The following PHF5A variants were observed in gnomAD, a reference collection of about 807,000 sequenced individuals.
PHF5A encodes the protein PHD finger protein 5A.
For synonymous variants in PHF5A, 52 were observed against 46.0 expected (o/e 1.13, Z -0.52); for missense variants, 24 against 140.6 (o/e 0.17, Z 4.19).
Position 41,468,681 on chromosome 22 carries a change from G to A in PHF5A, c.-28C>T. The A allele has an allele frequency of 1.9e-6, 3 of 1,612,876 alleles. No individual in the cohort carries two copies. The highest frequency in any genetic ancestry group is 2.2e-5 in the East Asian group (1 of 44,860). The stretch of plus-strand genomic sequence containing the variant: ...CTCCTAACTAAGCCGGCCACCGGAA[G>A]CTTCGGGAACTTCCGTCCGACCTTT... On this transcript the variant is annotated 5_prime_UTR_variant, in exon 1 of 4. Coordinates refer to ENST00000216252, the MANE Select transcript of PHF5A (RefSeq NM_032758.4).
intron 3 of PHF5A, among the ~76,000 whole-genome samples, chr22:41,465,028 T>C (rs1320761556): frequency 6.6e-6 from 1 of 152,212 alleles, no homozygotes; most frequent in East Asian, 1.9e-4. Context: ...AGACTAGATT[T>C]GGATTTTCGG....
rs2037877150 is a variant in PHF5A at position 41,467,437 on chromosome 22, T to A, written c.243+11A>T. On this transcript the variant is annotated intron_variant, in intron 3 of 3. Transcript: ENST00000216252. ...AAGGAGGAAAGGTCAGATGGAAAGCTGTACACTTACGTCCTTCTCCTGGAT... is the reference window on the plus strand; with the variant it reads ...AAGGAGGAAAGGTCAGATGGAAAGCAGTACACTTACGTCCTTCTCCTGGAT... 1 of 1,613,370 alleles carries A rather than the reference T, an allele frequency of 6.2e-7. No homozygotes were observed. Among genetic ancestry groups the A allele is most frequent in the Non-Finnish European group, 8.5e-7 (1 of 1,179,854 alleles).
intron 1 of PHF5A, 167 bp downstream of exon 1, chr22:41,468,435 T>C: frequency 1.7e-6 from 1 of 587,404 alleles, no homozygotes; most frequent in Non-Finnish European, 2.8e-6. Flanking sequence ...CCCGCCCTCT[T>C]CTCATCAGAG....
intron 3 of PHF5A, among the ~76,000 whole-genome samples, chr22:41,461,060 C>A (rs1159576474): frequency 6.6e-6 from 1 of 152,092 alleles, no homozygotes; most frequent in Admixed American, 6.6e-5. Context: ...GTAGTCCCAG[C>A]TACTCAGGAG....
chr22:41,460,467 A>G lies in PHF5A; in HGVS notation c.264T>C (p.Ile88=). 6.3e-7 allele frequency: 1 copy of G among 1,599,872 alleles called. No individual in the cohort carries two copies. The highest frequency in any genetic ancestry group is 8.5e-7 in the Non-Finnish European group (1 of 1,170,350). ...QEKDRDGCPK[I]VNLGSSKTDL... ...CTGTCTTAGAGCTCCCCAGATTGAC[A>G]ATCTTTGGGCAGCCATCTCTCTGGA... The change falls in exon 4 of 4, where the codon ATT becomes ATC. Residue 88 remains isoleucine (I), a synonymous_variant. Transcript: ENST00000216252.
intron 3 of PHF5A, among the ~76,000 whole-genome samples, chr22:41,461,688 G>A (rs2037828930): frequency 6.6e-6 from 1 of 151,682 alleles, no homozygotes; most frequent in Non-Finnish European, 1.5e-5. Flanking sequence ...TTTTGAGACG[G>A]AGTCTTGCTC....
At chr22:41,467,738 C>T (rs1021288224) in intron 2 of PHF5A, 124 bp from the exon 3 acceptor site, 86 of 1,168,032 alleles carry the variant, frequency 7.4e-5, no homozygotes, top group Admixed American at 9.9e-5. Context: ...ACTTTAGGGC[C>T]CTCCTCTTGG....
chr22:41,468,086 G>A (rs2037886493), intron 2 of PHF5A, 38 bp downstream of exon 2: 2 of 1,611,700 alleles, frequency 1.2e-6, no homozygotes, highest in Non-Finnish European at 1.7e-6. Flanking sequence ...AACTGGGAGT[G>A]GGAAGGGTGG....
intron 3 of PHF5A, among the ~76,000 whole-genome samples, chr22:41,464,391 C>T (rs943392939): frequency 1.3e-5 from 2 of 152,208 alleles, no homozygotes; most frequent in Non-Finnish European, 1.5e-5. Context: ...GAAAGAGCCT[C>T]GGCCACTTAA....
In PHF5A at chr22:41,463,724, C is replaced by CAAAAAAAAAAAAA. The variant is rs11387908; in HGVS notation, c.244-3250_244-3238dup. Reference sequence around the variant, plus strand: ...TGGGAGACACAGTAAGACTCTGTCTCAAAAAAAAAAAAAAAAAAAAAAAGC... The same window carrying CAAAAAAAAAAAAA: ...TGGGAGACACAGTAAGACTCTGTCTCAAAAAAAAAAAAAAAAAAAAAAAAAAAAAAAAAAAAGC... On this transcript the variant is annotated intron_variant, in intron 3 of 3. Coordinates refer to ENST00000216252, the MANE Select transcript of PHF5A (RefSeq NM_032758.4). Among the ~76,000 whole-genome samples, 7 of 59,054 alleles carry CAAAAAAAAAAAAA rather than the reference C, an allele frequency of 1.2e-4. 1 individual carries two copies. Among genetic ancestry groups the CAAAAAAAAAAAAA allele is most frequent in the African/African-American group, 4.4e-4 (6 of 13,484 alleles). The allele number at this position is 59,054 out of a possible 152,430, so 38.7% of individuals were successfully genotyped here.
chr22:41,466,284 T>C (rs5758368), intron 3 of PHF5A, among the ~76,000 whole-genome samples: 116,466 of 152,098 alleles, frequency 0.77, 45,181 homozygotes, highest in East Asian at 0.95. Context: ...CACTAGTCTA[T>C]AAGCTCTCTC....
chr22:41,467,561 G>A lies in PHF5A; in HGVS notation c.130C>T (p.Arg44Cys), dbSNP rs1331579175. ...DSYVRPCTLV[R>C]ICDECNYGSY... ...CCATAGTTACACTCATCACATATGC[G>A]CACCAGAGTGCAGGGACGCACATAG... Residue 44 changes from arginine (R) to cysteine (C), a missense_variant, in exon 3 of 4, where the codon CGC becomes TGC. Physicochemically the swap from Arg to Cys is radical, Grantham distance 180. Transcript: ENST00000216252. 1.9e-6 allele frequency: 3 copies of A among 1,614,144 alleles called. No homozygotes were observed. The highest frequency in any genetic ancestry group is 1.3e-5 in the African/African-American group (1 of 75,024).
At chr22:41,466,730 C>T (rs1266000823) in intron 3 of PHF5A, among the ~76,000 whole-genome samples, 5 of 152,142 alleles carry the variant, frequency 3.3e-5, no homozygotes, top group Non-Finnish European at 7.3e-5. Context: ...ATGGTTCATG[C>T]CTGTAATCCC....
At chr22:41,463,615 C>T (rs966199154) in intron 3 of PHF5A, among the ~76,000 whole-genome samples, 1 of 59,190 alleles carries the variant, frequency 1.7e-5, no homozygotes, top group Admixed American at 1.1e-4. Flanking sequence ...ATCCCAGCTA[C>T]TCAGGGGGCT....
At position 41,465,268 on chromosome 22, in the gene PHF5A, C is replaced by T. The variant is rs550960260; in HGVS notation, c.243+2180G>A. 7.5e-4 allele frequency among the ~76,000 whole-genome samples: 114 copies of T among 152,048 alleles called. 1 individual carries two copies. Among genetic ancestry groups the T allele is most frequent in the Middle Eastern group, 3.4e-3 (1 of 294 alleles). ...GCTCAGCTGACTGCAACCTCTGCCT[C>T]CTGGGTTCAAGCGATTCTCCTGCCT... On this transcript the variant is annotated intron_variant, in intron 3 of 3. Transcript: ENST00000216252.
intron 2 of PHF5A, 121 bp from the exon 3 acceptor site, chr22:41,467,735 G>A: frequency 8.4e-7 from 1 of 1,191,056 alleles, no homozygotes; most frequent in Non-Finnish European, 1.2e-6. Context: ...GTGACTTTAG[G>A]GCCCTCCTCT....
chr22:41,460,719 C>A (rs2037820801), intron 3 of PHF5A, among the ~76,000 whole-genome samples: 1 of 88,394 alleles, frequency 1.1e-5, no homozygotes, highest in Non-Finnish European at 3.2e-5. Context: ...AGACCCCCAT[C>A]TCTTGAAAAA....
chr22:41,460,156 C>A lies in PHF5A; in HGVS notation c.*242G>T, dbSNP rs1186633102. On this transcript the variant is annotated 3_prime_UTR_variant, in exon 4 of 4. Coordinates refer to ENST00000216252, the MANE Select transcript of PHF5A (RefSeq NM_032758.4). ...CTTTGCTTCTCGAATTCAAGAAAAA[C>A]CATTAACTAATCTATCAAGTTTTCT... 7 of 350,208 alleles carry A rather than the reference C, an allele frequency of 2.0e-5. No individual in the cohort carries two copies. Among genetic ancestry groups the A allele is most frequent in the Admixed American group, 1.8e-4 (4 of 21,712 alleles). 21.7% of individuals were successfully genotyped at this position (350,208 alleles called of 1,614,324 possible). A position where few individuals can be genotyped will look rare whatever the true frequency, so the allele number is the denominator to read the frequency against.
chr22:41,464,184 A>G (rs2037848335), intron 3 of PHF5A, among the ~76,000 whole-genome samples: 2 of 152,240 alleles, frequency 1.3e-5, no homozygotes, highest in African/African-American at 4.8e-5. Context: ...TGGCACCATA[A>G]GAACCTACAA....
Sources: allele counts gnomAD v4.1 joint callset (sites outside exome capture counted in the v4.1 genomes callset), GRCh38; gene constraint gnomAD v4.1.1; transcripts MANE v1.5; gene names NCBI Gene and HGNC (gene_info 2026-07-23, HGNC 2026-07-21).